LHX3: variants seen among roughly 807,000 people sequenced by gnomAD.
LHX3 encodes LIM/homeobox protein Lhx3.
Under a neutral mutation model 32.4 loss-of-function variants are expected in LHX3, and 21 were observed. The ratio of observed to expected loss-of-function variants is 0.65; its 90% CI spans 0.46 to 0.93. The LOEUF (loss-of-function observed/expected upper bound fraction) is 0.93, where lower values mean the gene tolerates loss of function less well. Ranked by LOEUF, LHX3 falls within the 40% of genes least tolerant of loss-of-function variation. LHX3 has a pLI of 0.00. For missense variants in LHX3, 626 were observed against 560.0 expected (o/e 1.12, Z -1.19); for synonymous variants, 258 against 246.8 (o/e 1.05, Z -0.43).
At position 136,197,702 on chromosome 9, in the gene LHX3, A is replaced by G. The variant is rs753061107; in HGVS notation, c.817T>C (p.Tyr273His). The G allele has an allele frequency of 6.2e-7, 1 of 1,606,570 alleles. No individual in the cohort carries two copies. Among genetic ancestry groups the G allele is most frequent in the Admixed American group, 1.7e-5 (1 of 59,990 alleles). Residue 273 changes from tyrosine (Y) to histidine (H), a missense_variant, in exon 6 of 6, where the codon TAC becomes CAC. By Grantham distance (83) the Tyr-to-His change is moderately conservative (BLOSUM62 2). Transcript: ENST00000371748. ...TGGGTGGGTTCCCCCAAGCTCCCGT[A>G]GAGGCCATTGGCCGGGCCCATTTCC... ...LAEMGPANGL[Y>H]GSLGEPTQAL...
chr9:136,200,100 C>A, intron 2 of LHX3: 1 of 675,344 alleles, frequency 1.5e-6, no homozygotes, highest in Non-Finnish European at 2.7e-6. Context: ...GCCCAGCCGC[C>A]ATTGCCTGCA....
intron 2 of LHX3, 107 bp downstream of exon 2, chr9:136,200,475 C>T (rs938675906): frequency 4.2e-5 from 54 of 1,286,342 alleles, no homozygotes; most frequent in Admixed American, 7.9e-5. Flanking sequence ...GCTGGGATTG[C>T]GAGAGACGCA....
In LHX3 at chr9:136,199,054, C is replaced by G; in HGVS notation, c.460G>C (p.Glu154Gln). ...DYETAKQREA[E>Q]ATAKRPRTTI... is the part of the protein sequence containing the mutation. The stretch of plus-strand genomic sequence containing the variant: ...GTGCGCGGCCGCTTGGCCGTGGCCT[C>G]GGCCTCTGCGCGGCGGGCGAGCGGT... The change falls in exon 4 of 6, where the codon GAG becomes CAG. Residue 154 changes from glutamate (E) to glutamine (Q), a missense_variant. Glu to Gln is a conservative substitution (Grantham distance 29). Transcript: ENST00000371748. 1 of 1,544,040 alleles carries G rather than the reference C, an allele frequency of 6.5e-7. No homozygotes were observed. The highest frequency in any genetic ancestry group is 8.7e-7 in the Non-Finnish European group (1 of 1,152,166).
rs1588627349 is a variant in LHX3, at chr9:136,201,458, C to T, written c.80-705G>A. ...CCACACCCCACTTCGGTACTGCAGG[C>T]CCCCTGGAGGAACCACACTGGGGAG... On this transcript the variant is annotated intron_variant, in intron 1 of 5. Coordinates refer to ENST00000371748, the MANE Select transcript of LHX3 (RefSeq NM_178138.6). 9 of 1,216,066 alleles carry T rather than the reference C, an allele frequency of 7.4e-6. No individual in the cohort carries two copies. In the East Asian group the frequency reaches 1.3e-4, roughly 18 times the overall value. 75.3% of individuals were successfully genotyped at this position (1,216,066 alleles called of 1,614,324 possible). A position where few individuals can be genotyped will look rare whatever the true frequency, so the allele number is the denominator to read the frequency against.
chr9:136,202,978 G>A (rs1163888246), intron 1 of LHX3: 1 of 1,529,310 alleles, frequency 6.5e-7, no homozygotes, highest in Admixed American at 2.0e-5. Context: ...CGCCAGCAGT[G>A]CTAGCAGCAG....
chr9:136,204,463 C>T (rs1220191192), intron 1 of LHX3, among the ~76,000 whole-genome samples: 1 of 152,192 alleles, frequency 6.6e-6, no homozygotes, highest in African/African-American at 2.4e-5. Context: ...AGGCGGCCCA[C>T]CCTGCTGGCA....
intron 1 of LHX3, among the ~76,000 whole-genome samples, chr9:136,201,964 C>A (rs992297532): frequency 6.6e-6 from 1 of 151,908 alleles, no homozygotes; most frequent in Non-Finnish European, 1.5e-5. Flanking sequence ...CCGGCGCCCG[C>A]GTCGGGCAAA....
intron 5 of LHX3, 22 bp downstream of exon 5, chr9:136,198,630 G>C (rs767824405): frequency 1.3e-6 from 2 of 1,549,388 alleles, no homozygotes; most frequent in Non-Finnish European, 1.7e-6. Context: ...CCCCCCCCGA[G>C]CTCCGCGATC....
intron 1 of LHX3, among the ~76,000 whole-genome samples, chr9:136,203,415 G>A (rs1206191618): frequency 7.2e-5 from 11 of 152,306 alleles, no homozygotes; most frequent in African/African-American, 2.4e-4. Context: ...AGCTTCCTGC[G>A]CCGGAGCGGC....
rs1162067340 is a variant in LHX3, at chr9:136,205,064, C to T, written c.-52G>A. The stretch of plus-strand genomic sequence containing the variant: ...GACGCGCTCCTCCTAGGTCAGCGTC[C>T]CCTGGAGGGTTCGGGGCTCCCAAGT... On this transcript the variant is annotated 5_prime_UTR_variant, in exon 1 of 6. Transcript: ENST00000371748. The T allele has an allele frequency of 9.5e-6, 14 of 1,474,192 alleles. No homozygotes were observed. The highest frequency in any genetic ancestry group is 1.3e-5 in the Non-Finnish European group (14 of 1,091,828). The allele number at this position is 1,474,192 out of a possible 1,614,324, so 91.3% of individuals were successfully genotyped here.
intron 1 of LHX3, 137 bp from the exon 2 acceptor site, chr9:136,200,890 C>T: frequency 9.5e-7 from 1 of 1,054,054 alleles, no homozygotes; most frequent in African/African-American, 1.6e-5. Context: ...TCCCTACACA[C>T]CCTCTTCCCC....
rs562133189 is a variant in LHX3 at position 136,200,482 on chromosome 9, C to T, written c.251+100G>A. On this transcript the variant is annotated intron_variant, in intron 2 of 5. Coordinates refer to ENST00000371748, the MANE Select transcript of LHX3 (RefSeq NM_178138.6). Reference sequence around the variant, plus strand: ...AGGAGTGGGCTGGGATTGCGAGAGACGCAGGCTTCGAGGGCCTGGCCTTGG... The same window carrying T: ...AGGAGTGGGCTGGGATTGCGAGAGATGCAGGCTTCGAGGGCCTGGCCTTGG... The T allele has an allele frequency of 7.9e-4, 1,046 of 1,330,334 alleles. 7 individuals are homozygous for T. The African/African-American group carries it at 0.012, about 15-fold the overall frequency. 82.4% of individuals were successfully genotyped at this position (1,330,334 alleles called of 1,614,324 possible).
intron 1 of LHX3, among the ~76,000 whole-genome samples, chr9:136,202,028 G>A (rs1301897262): frequency 1.3e-5 from 2 of 152,046 alleles, no homozygotes; most frequent in African/African-American, 4.8e-5. Context: ...TACGCTGCAT[G>A]GCGACTCCAG....
chr9:136,199,884 C>A lies in LHX3; in HGVS notation c.252-4G>T, dbSNP rs372058376. The A allele has an allele frequency of 3.0e-4, 471 of 1,582,046 alleles. 2 individuals carry two copies. In the African/African-American group the frequency reaches 5.9e-3, roughly 20 times the overall value. ...GGCGCACTTGGTCCCGAAGCGCCTG[C>A]GGGACGCACAGGGCCGGGCTCAGCG... is the stretch of plus-strand genomic sequence containing the variant. On this transcript the variant is annotated splice_region_variant and splice_polypyrimidine_tract_variant and intron_variant, in intron 2 of 5. Transcript: ENST00000371748.
In LHX3 at chr9:136,197,066, A is replaced by G; in HGVS notation, c.*259T>C. The stretch of plus-strand genomic sequence containing the variant: ...CAGCAAGTGCTCAGTTAATTGGTCA[A>G]TAAAGGGGAGAAATTTGCTTACAAA... On this transcript the variant is annotated 3_prime_UTR_variant, in exon 6 of 6. Transcript: ENST00000371748. 2 of 584,232 alleles carry G rather than the reference A, an allele frequency of 3.4e-6. No individual in the cohort carries two copies. Among genetic ancestry groups the G allele is most frequent in the Non-Finnish European group, 3.1e-6 (1 of 326,650 alleles). The allele number at this position is 584,232 out of a possible 1,614,324, so 36.2% of individuals were successfully genotyped here. A position where few individuals can be genotyped will look rare whatever the true frequency, so the allele number is the denominator to read the frequency against.
chr9:136,200,007 G>T, intron 2 of LHX3, 127 bp from the exon 3 acceptor site: 1 of 1,025,902 alleles, frequency 9.7e-7, no homozygotes, highest in Non-Finnish European at 1.5e-6. Context: ...CGGCCCTGCA[G>T]GGTGGTCGCC....
chr9:136,200,593 G>A lies in LHX3; in HGVS notation c.240C>T (p.Asp80=), dbSNP rs1170007893. ...FSRGESVYCK[D]DFFKRFGTKC... Reference sequence around the variant, plus strand: ...GTTTCGGGGCTCACTTGAAAAAGTCGTCCTTGCAGTAAACGCTCTCCCCTC... The same window carrying A: ...GTTTCGGGGCTCACTTGAAAAAGTCATCCTTGCAGTAAACGCTCTCCCCTC... Residue 80 remains aspartate, a synonymous_variant, in exon 2 of 6, where the codon GAC becomes GAT. Coordinates refer to ENST00000371748, the MANE Select transcript of LHX3 (RefSeq NM_178138.6). 4.3e-6 allele frequency: 7 copies of A among 1,613,320 alleles called. No individual in the cohort carries two copies. Among genetic ancestry groups the A allele is most frequent in the South Asian group, 1.1e-5 (1 of 91,078 alleles).
chr9:136,203,070 A>T, intron 1 of LHX3: 11 of 1,503,020 alleles, frequency 7.3e-6, no homozygotes, highest in Non-Finnish European at 9.7e-6. Context: ...GCCACTCTCC[A>T]GTCCCGAACT....
In LHX3 at chr9:136,197,271, G is replaced by C. The variant is rs149095968; in HGVS notation, c.*54C>G. 1 of 1,593,604 alleles carries C rather than the reference G, an allele frequency of 6.3e-7. No homozygotes were observed. The stretch of plus-strand genomic sequence containing the variant: ...TCGGAAACCCCAGCAGCCCCGAGCC[G>C]CCCACCCAGGGGCAGCTCCCTCGTG... On this transcript the variant is annotated 3_prime_UTR_variant, in exon 6 of 6. Transcript: ENST00000371748.
Sources: gnomAD v4.1 joint callset for allele counts (sites outside exome capture counted in the v4.1 genomes callset) on GRCh38, gnomAD v4.1.1 for gene constraint, MANE v1.5 for transcripts, NCBI Gene and HGNC (gene_info 2026-07-23, HGNC 2026-07-21) for gene names.